LRRC7: variants seen among roughly 807,000 people sequenced by gnomAD.
The protein encoded by LRRC7 is leucine rich repeat containing 7, also known as leucine-rich repeat-containing protein 7.
LRRC7 carries 23 observed loss-of-function variants against 175.7 expected under a neutral mutation model. The ratio of observed to expected loss-of-function variants is 0.13; its 90% CI spans 0.09 to 0.19. The LOEUF is 0.19. Ranked by LOEUF, LRRC7 falls within the 10% of genes least tolerant of loss-of-function variation. The pLI, the probability that LRRC7 is intolerant of heterozygous loss-of-function variation, is 1.00. For synonymous variants in LRRC7, 685 were observed against 680.9 expected (o/e 1.01, Z -0.09); for missense variants, 1,354 against 1,904.7 (o/e 0.71, Z 5.38).
In LRRC7 at chr1:70,010,473, G is replaced by A. The variant is rs141649782; in HGVS notation, c.1005-1324G>A. On this transcript the variant is annotated intron_variant, in intron 11 of 26. Transcript: ENST00000651989. The stretch of plus-strand genomic sequence containing the variant: ...CCAGCTACTTGGGAGGCTGAGACAG[G>A]AGCATCACTTGAACCCAGGAAGTGG... 2.9e-3 allele frequency among the ~76,000 whole-genome samples: 438 copies of A among 152,244 alleles called. 1 individual carries two copies. Among genetic ancestry groups the A allele is most frequent in the African/African-American group, 9.6e-3 (398 of 41,548 alleles).
chr1:69,583,093 T>C (rs1646264933), intron 1 of LRRC7, among the ~76,000 whole-genome samples: 6 of 151,930 alleles, frequency 3.9e-5, no homozygotes, highest in Admixed American at 3.9e-4. Flanking sequence ...TTTTATTTTT[T>C]TATAATATCT....
chr1:70,135,042 T>G lies in LRRC7; in HGVS notation c.*13155T>G, dbSNP rs138923314. 1.3e-3 allele frequency among the ~76,000 whole-genome samples: 196 copies of G among 152,370 alleles called. No homozygotes were observed. The highest frequency in any genetic ancestry group is 4.6e-3 in the African/African-American group (193 of 41,592). On this transcript the variant is annotated 3_prime_UTR_variant, in exon 27 of 27. Transcript: ENST00000651989. ...ACTAGAATGAAAATTACATAGAATT[T>G]TACTGAAGAGTATAAGAGAAAACGT...
chr1:69,986,749 A>T (rs1653967118), intron 10 of LRRC7, among the ~76,000 whole-genome samples: 1 of 152,184 alleles, frequency 6.6e-6, no homozygotes, highest in East Asian at 1.9e-4. Context: ...GCTTCCATCC[A>T]TAGGATGTTG....
intron 22 of LRRC7, among the ~76,000 whole-genome samples, chr1:70,048,054 A>G (rs1660471132): frequency 6.6e-6 from 1 of 151,960 alleles, no homozygotes; most frequent in Non-Finnish European, 1.5e-5. Flanking sequence ...ACTTTCTATG[A>G]TGTTACTAAT....
intron 25 of LRRC7, among the ~76,000 whole-genome samples, chr1:70,091,845 G>C (rs1028896800): frequency 6.6e-6 from 1 of 152,042 alleles, no homozygotes; most frequent in African/African-American, 2.4e-5. Context: ...ACTTTTCTTT[G>C]GCTGATTACA....
At chr1:69,576,349 G>A (rs979027758) in intron 1 of LRRC7, among the ~76,000 whole-genome samples, 5 of 151,852 alleles carry the variant, frequency 3.3e-5, no homozygotes, top group South Asian at 2.1e-4. Context: ...TGAAATAAAC[G>A]TTTCATTTAT....
chr1:69,642,362 T>C (rs921036939), intron 1 of LRRC7, among the ~76,000 whole-genome samples: 2 of 151,864 alleles, frequency 1.3e-5, no homozygotes, highest in Non-Finnish European at 2.9e-5. Context: ...CAAAAAGTTA[T>C]GATCAATTAA....
chr1:69,728,687 A>G (rs908258670), intron 2 of LRRC7, among the ~76,000 whole-genome samples: 11 of 152,224 alleles, frequency 7.2e-5, no homozygotes, highest in African/African-American at 2.7e-4. Flanking sequence ...AATAGAGAAT[A>G]GAACTTATTT....
chr1:69,738,713 G>A lies in LRRC7; in HGVS notation c.101-21478G>A, dbSNP rs72941433. 1.8e-3 allele frequency among the ~76,000 whole-genome samples: 279 copies of A among 152,136 alleles called. 1 individual carries two copies. The highest frequency in any genetic ancestry group is 6.4e-3 in the African/African-American group (264 of 41,522). On this transcript the variant is annotated intron_variant, in intron 2 of 26. Coordinates refer to ENST00000651989, the MANE Select transcript of LRRC7 (RefSeq NM_001370785.2). ...GGGGTTCTGTTCCTTGTAAAGGCAA[G>A]GCCTCCCAGGGAGAGTTTATGTGAG...
intron 7 of LRRC7, among the ~76,000 whole-genome samples, chr1:69,850,626 C>A (rs1405297487): frequency 1.3e-5 from 2 of 151,914 alleles, no homozygotes; most frequent in African/African-American, 4.8e-5. Flanking sequence ...GGAAGTAGGT[C>A]CTTGCTGATG....
chr1:69,862,574 A>C (rs560540954), intron 7 of LRRC7, among the ~76,000 whole-genome samples: 1 of 152,282 alleles, frequency 6.6e-6, no homozygotes, highest in South Asian at 2.1e-4. Context: ...AACAGAGTCT[A>C]TTTGCCCTGA....
At chr1:69,690,353 T>C (rs1279943411) in intron 2 of LRRC7, among the ~76,000 whole-genome samples, 1 of 152,138 alleles carries the variant, frequency 6.6e-6, no homozygotes, top group African/African-American at 2.4e-5. Context: ...ATCAATGGCC[T>C]CAATAACTAG....
chr1:69,634,339 T>G (rs758401623), intron 1 of LRRC7, among the ~76,000 whole-genome samples: 2 of 152,142 alleles, frequency 1.3e-5, no homozygotes, highest in Non-Finnish European at 2.9e-5. Context: ...TCTAATTTTA[T>G]GTTGATTTTG....
At chr1:70,020,887 T>C (rs1350366067) in intron 15 of LRRC7, 118 bp from the exon 16 acceptor site, 17 of 701,380 alleles carry the variant, frequency 2.4e-5, no homozygotes, top group Non-Finnish European at 3.3e-5. Context: ...TTTTCTTTCT[T>C]TCTTCTTTAT....
intron 2 of LRRC7, among the ~76,000 whole-genome samples, chr1:69,729,779 T>C (rs1667365362): frequency 6.6e-6 from 1 of 152,176 alleles, no homozygotes; most frequent in Non-Finnish European, 1.5e-5. Flanking sequence ...ACAGCTCCTC[T>C]AGGAAGTGCC....
chr1:69,674,859 T>C (rs961864377), intron 1 of LRRC7, among the ~76,000 whole-genome samples: 3 of 152,182 alleles, frequency 2.0e-5, no homozygotes, highest in Admixed American at 1.3e-4. Context: ...TGTTTCCAAA[T>C]ATATGGAACA....
Position 70,129,592 on chromosome 1 carries a change from G to A in LRRC7, c.*7705G>A, listed in dbSNP as rs1360693773. Among the ~76,000 whole-genome samples the A allele has an allele frequency of 2.0e-5, 3 of 152,174 alleles. No homozygotes were observed. Among genetic ancestry groups the A allele is most frequent in the Non-Finnish European group, 2.9e-5 (2 of 68,040 alleles). Reference sequence around the variant, plus strand: ...AGCGGCCCCAAAAAGTCCCTCCTATGACCACTGTCAGGGAGCGTGGGAATC... The same window carrying A: ...AGCGGCCCCAAAAAGTCCCTCCTATAACCACTGTCAGGGAGCGTGGGAATC... On this transcript the variant is annotated 3_prime_UTR_variant, in exon 27 of 27. Coordinates refer to ENST00000651989, the MANE Select transcript of LRRC7 (RefSeq NM_001370785.2).
chr1:69,778,893 C>T (rs1211828609), intron 3 of LRRC7, among the ~76,000 whole-genome samples: 3 of 150,798 alleles, frequency 2.0e-5, no homozygotes, highest in African/African-American at 7.3e-5. Context: ...TACACACACA[C>T]ACATATATAT....
intron 1 of LRRC7, among the ~76,000 whole-genome samples, chr1:69,580,106 C>G: frequency 6.6e-6 from 1 of 152,004 alleles, no homozygotes; most frequent in East Asian, 1.9e-4. Context: ...GAAATAAAGG[C>G]ATTGATATGT....
Sources: allele counts gnomAD v4.1 joint callset (sites outside exome capture counted in the v4.1 genomes callset), GRCh38; gene constraint gnomAD v4.1.1; transcripts MANE v1.5; gene names NCBI Gene and HGNC (gene_info 2026-07-23, HGNC 2026-07-21).